Variants in LRRC37A2 observed in about 807,000 individuals in gnomAD.
LRRC37A2 encodes the protein leucine rich repeat containing 37 member A2, also known as leucine-rich repeat-containing protein 37A2.
Under a neutral mutation model 68.8 loss-of-function variants are expected in LRRC37A2, and 9 were observed. The observed-to-expected ratio is 0.13, with a 90% CI of 0.08 to 0.23. The LOEUF is 0.23. LRRC37A2 is among the 10% of genes least tolerant of loss of function. LRRC37A2 has a pLI of 1.00. For synonymous variants in LRRC37A2, 63 were observed against 367.6 expected (o/e 0.17, Z 9.48); for missense variants, 168 against 950.4 (o/e 0.18, Z 10.82).
the LRRC37A2 span, among the ~76,000 whole-genome samples, chr17:47,035,553 T>A: frequency 6.6e-6 from 1 of 152,244 alleles, no homozygotes; most frequent in Non-Finnish European, 1.5e-5. Flanking sequence ...TATCCGTTCA[T>A]CCATTCATCA....
chr17:46,530,335 T>G (rs1415212880), intron 6 of LRRC37A2, among the ~76,000 whole-genome samples: 1 of 137,836 alleles, frequency 7.3e-6, no homozygotes, highest in Admixed American at 7.6e-5. Flanking sequence ...AGCCCTAGTT[T>G]GAGAATCCAT....
the LRRC37A2 span, chr17:46,923,296 C>T: frequency 1.9e-6 from 3 of 1,548,466 alleles, no homozygotes; most frequent in African/African-American, 1.4e-5. Context: ...GGGCTGAGGC[C>T]TCGGACGTCA....
the LRRC37A2 span, among the ~76,000 whole-genome samples, chr17:46,902,461 C>CGCGTGTGTGTGT: frequency 3.4e-5 from 5 of 148,016 alleles, no homozygotes; most frequent in African/African-American, 1.2e-4. Context: ...GGGAACAGTG[C>CGCGTGTGTGTGT]GTGTGTGTGT....
the LRRC37A2 span, among the ~76,000 whole-genome samples, chr17:46,861,924 G>A: frequency 6.6e-6 from 1 of 152,206 alleles, no homozygotes; most frequent in East Asian, 1.9e-4. Context: ...AGCACTTTGG[G>A]AGGCTGAGGC....
chr17:46,991,485 G>A, the LRRC37A2 span, among the ~76,000 whole-genome samples: 46 of 152,012 alleles, frequency 3.0e-4, no homozygotes, highest in South Asian at 8.3e-3. Flanking sequence ...AAAATTAGCC[G>A]GGTGTGGTGG....
At chr17:47,027,497 T>A in the LRRC37A2 span, 1 of 808,024 alleles carries the variant, frequency 1.2e-6, no homozygotes, top group Non-Finnish European at 2.1e-6. Flanking sequence ...CTTGCTATTA[T>A]TCATACCAAT....
the LRRC37A2 span, among the ~76,000 whole-genome samples, chr17:46,959,874 A>C: frequency 6.6e-6 from 1 of 152,172 alleles, no homozygotes; most frequent in Non-Finnish European, 1.5e-5. Context: ...TCCTGGACTG[A>C]GCAGGAAGAC....
chr17:46,912,624 C>T, the LRRC37A2 span, among the ~76,000 whole-genome samples: 3 of 152,336 alleles, frequency 2.0e-5, no homozygotes, highest in East Asian at 5.8e-4. Flanking sequence ...CTTGGTGGGT[C>T]CTGGAGGGGG....
At chr17:46,935,049 A>C in the LRRC37A2 span, 3 of 1,612,640 alleles carry the variant, frequency 1.9e-6, no homozygotes, top group Non-Finnish European at 2.5e-6. Flanking sequence ...CCACCATACC[A>C]ATGGACGAAT....
chr17:46,456,210 A>ATGTGTGTGTG, the LRRC37A2 span, among the ~76,000 whole-genome samples: 9 of 90,708 alleles, frequency 9.9e-5, no homozygotes, highest in East Asian at 1.9e-3. Context: ...TCCATGGGAT[A>ATGTGTGTGTG]TGTGTGTGTG....
chr17:46,894,961 C>T, the LRRC37A2 span, among the ~76,000 whole-genome samples: 11 of 152,300 alleles, frequency 7.2e-5, no homozygotes, highest in Admixed American at 2.6e-4. Flanking sequence ...GGCCTGTGCT[C>T]GGGACGGGAC....
the LRRC37A2 span, chr17:46,935,305 G>C: frequency 6.5e-7 from 1 of 1,546,834 alleles, no homozygotes; most frequent in South Asian, 1.3e-5. Flanking sequence ...CCTTGAGTTT[G>C]GGATCCTTTC....
chr17:46,847,976 G>GTGTGTGTGTA, the LRRC37A2 span, among the ~76,000 whole-genome samples: 33 of 151,238 alleles, frequency 2.2e-4, no homozygotes, highest in African/African-American at 8.0e-4. Context: ...AAGTGTGTGT[G>GTGTGTGTGTA]TGTGTGTGTG....
the LRRC37A2 span, among the ~76,000 whole-genome samples, chr17:46,895,744 C>T: frequency 4.3e-4 from 65 of 152,352 alleles, no homozygotes; most frequent in African/African-American, 1.5e-3. Context: ...GCAGCTTCCC[C>T]ACGGCTCTGT....
the LRRC37A2 span, among the ~76,000 whole-genome samples, chr17:46,855,227 G>A: frequency 6.6e-6 from 1 of 152,338 alleles, no homozygotes; most frequent in South Asian, 2.1e-4. Flanking sequence ...GGCCGAAGGG[G>A]GTGAGGGTGG....
the LRRC37A2 span, among the ~76,000 whole-genome samples, chr17:46,946,082 C>T: frequency 1.3e-5 from 2 of 152,154 alleles, no homozygotes; most frequent in South Asian, 2.1e-4. Flanking sequence ...GTGGCCACCT[C>T]CTTAGGCCAC....
chr17:46,736,598 T>C, the LRRC37A2 span, among the ~76,000 whole-genome samples: 5 of 152,332 alleles, frequency 3.3e-5, no homozygotes, highest in Middle Eastern at 0.017. Context: ...AATAAGCATA[T>C]GTTACTTTGA....
the LRRC37A2 span, among the ~76,000 whole-genome samples, chr17:46,969,988 G>C: frequency 6.6e-6 from 1 of 152,142 alleles, no homozygotes; most frequent in South Asian, 2.1e-4. Context: ...GCAGACACCG[G>C]GGGTCAAATC....
chr17:46,902,461 C>CGT, the LRRC37A2 span, among the ~76,000 whole-genome samples: 76,295 of 147,920 alleles, frequency 0.52, 20,115 homozygotes, highest in Non-Finnish European at 0.61. Flanking sequence ...GGGAACAGTG[C>CGT]GTGTGTGTGT....
Sources: gnomAD v4.1 joint callset for allele counts (sites outside exome capture counted in the v4.1 genomes callset) on GRCh38, gnomAD v4.1.1 for gene constraint, MANE v1.5 for transcripts, NCBI Gene and HGNC (gene_info 2026-07-23, HGNC 2026-07-21) for gene names.